Variants in NTN1 observed in about 807,000 individuals in gnomAD.
The protein encoded by NTN1 is netrin 1.
NTN1 carries 11 observed loss-of-function variants against 54.2 expected under a neutral mutation model. That is an observed-to-expected ratio of 0.20 (90% CI 0.13 to 0.34). The LOEUF is 0.34. Among genes scored for constraint, NTN1 ranks in the 10% least tolerant of loss-of-function variants. The probability of loss-of-function intolerance (pLI) is 1.00; values close to 1 mark genes in which losing one functional copy is unlikely to be tolerated. For synonymous variants in NTN1, 371 were observed against 382.0 expected (o/e 0.97, Z 0.33); for missense variants, 740 against 893.1 (o/e 0.83, Z 2.18).
intron 5 of NTN1, among the ~76,000 whole-genome samples, chr17:9,190,208 G>C (rs1904415020): frequency 6.6e-6 from 1 of 152,170 alleles, no homozygotes; most frequent in Non-Finnish European, 1.5e-5. Flanking sequence ...ATAAAGTACA[G>C]CACATATGTA....
intron 2 of NTN1, among the ~76,000 whole-genome samples, chr17:9,110,113 A>C (rs72811927): frequency 6.6e-6 from 1 of 151,918 alleles, no homozygotes; most frequent in African/African-American, 2.4e-5. Context: ...TGCTTCATCA[A>C]ATGCTTAAAC....
At chr17:9,108,404 A>G (rs913441291) in intron 2 of NTN1, among the ~76,000 whole-genome samples, 3 of 152,194 alleles carry the variant, frequency 2.0e-5, no homozygotes, top group Non-Finnish European at 2.9e-5. Context: ...TCTAATCAGC[A>G]GAGCCGGAGT....
intron 2 of NTN1, among the ~76,000 whole-genome samples, chr17:9,030,687 G>T (rs541235410): frequency 1.3e-5 from 2 of 152,074 alleles, no homozygotes; most frequent in East Asian, 3.9e-4. Context: ...AGAGGTTGCA[G>T]TGAGCCAAGA....
chr17:9,023,527 G>A, intron 2 of NTN1, 136 bp downstream of exon 2: 1 of 1,116,978 alleles, frequency 9.0e-7, no homozygotes, highest in Non-Finnish European at 1.2e-6. Context: ...CCGGGACCCG[G>A]GAGGGCTCAG....
intron 3 of NTN1, chr17:9,176,734 A>G (rs976577193): frequency 9.9e-5 from 15 of 152,262 alleles, no homozygotes; most frequent in African/African-American, 3.6e-4. Context: ...CCCACATCAT[A>G]TTATAAGATA....
chr17:9,088,644 A>G (rs533590636), intron 2 of NTN1, among the ~76,000 whole-genome samples: 3 of 152,258 alleles, frequency 2.0e-5, no homozygotes, highest in African/African-American at 7.2e-5. Context: ...GAAGCCTGGA[A>G]CACGTTCACA....
chr17:9,168,132 C>A (rs2092377877), intron 3 of NTN1, among the ~76,000 whole-genome samples: 2 of 151,888 alleles, frequency 1.3e-5, no homozygotes, highest in African/African-American at 4.8e-5. Flanking sequence ...GCAGCCTAGA[C>A]CCCAGGTTTA....
chr17:9,049,847 G>A (rs990395886), intron 2 of NTN1, among the ~76,000 whole-genome samples: 13 of 152,218 alleles, frequency 8.5e-5, no homozygotes, highest in African/African-American at 1.4e-4. Flanking sequence ...TGTAGGATGG[G>A]TATGTAAGAG....
intron 2 of NTN1, among the ~76,000 whole-genome samples, chr17:9,105,411 A>G (rs72811912): frequency 6.6e-6 from 1 of 152,112 alleles, no homozygotes; most frequent in Admixed American, 6.5e-5. Flanking sequence ...AAGGCTTAGG[A>G]ACATTTGGGG....
Position 9,093,172 on chromosome 17 carries a change from C to T in NTN1, c.1019-69641C>T, listed in dbSNP as rs181616005. Among the ~76,000 whole-genome samples, 105 of 152,314 alleles carry T rather than the reference C, an allele frequency of 6.9e-4. No homozygotes were observed. In the Middle Eastern group the frequency reaches 0.01, roughly 15 times the overall value. ...CCTCCCAAAGTGTTGCGATTACAGG[C>T]GTGAGCCACCATACCGGCCTGATAA... On this transcript the variant is annotated intron_variant, in intron 2 of 6. Transcript: ENST00000173229.
chr17:9,152,716 C>A (rs1165369546), intron 2 of NTN1, among the ~76,000 whole-genome samples: 3 of 152,164 alleles, frequency 2.0e-5, no homozygotes, highest in African/African-American at 7.2e-5. Flanking sequence ...TGTCCCCTAC[C>A]CTGCAGGAGT....
intron 2 of NTN1, among the ~76,000 whole-genome samples, chr17:9,059,273 T>C (rs2091988869): frequency 6.6e-6 from 1 of 152,140 alleles, no homozygotes; most frequent in South Asian, 2.1e-4. Context: ...AACCTAGAAT[T>C]GCAGTGTGAC....
intron 6 of NTN1, among the ~76,000 whole-genome samples, chr17:9,236,431 C>G (rs148343553): frequency 6.6e-6 from 1 of 152,206 alleles, no homozygotes; most frequent in Admixed American, 6.5e-5. Flanking sequence ...TGTTGCAATG[C>G]GCATTTTGAA....
At chr17:9,084,344 G>A (rs2092083204) in intron 2 of NTN1, among the ~76,000 whole-genome samples, 1 of 152,192 alleles carries the variant, frequency 6.6e-6, no homozygotes, top group African/African-American at 2.4e-5. Context: ...GAACGTGCAG[G>A]ATGATTTAAA....
At chr17:9,078,057 T>TATCCATCC (rs111350777) in intron 2 of NTN1, among the ~76,000 whole-genome samples, 10 of 151,522 alleles carry the variant, frequency 6.6e-5, no homozygotes, top group Non-Finnish European at 1.2e-4. Flanking sequence ...CCCATCCATC[T>TATCCATCC]ATCCATCCAT....
In NTN1 at chr17:9,242,443, C is replaced by T. The variant is rs993739334; in HGVS notation, c.*2475C>T. The stretch of plus-strand genomic sequence containing the variant: ...ATGCCAGTGTGGTTTCTTCACCCTG[C>T]CCAGAAGGGCTGTGGCAGCCCCACG... On this transcript the variant is annotated 3_prime_UTR_variant, in exon 7 of 7. Coordinates refer to ENST00000173229, the MANE Select transcript of NTN1 (RefSeq NM_004822.3). The T allele has an allele frequency of 6.6e-6, 1 of 152,470 alleles. No homozygotes were observed. The highest frequency in any genetic ancestry group is 1.9e-4 in the East Asian group (1 of 5,190). The allele number at this position is 152,470 out of a possible 1,614,324, so 9.4% of individuals were successfully genotyped here.
At chr17:9,206,921 C>T (rs1418001791) in intron 5 of NTN1, among the ~76,000 whole-genome samples, 2 of 152,138 alleles carry the variant, frequency 1.3e-5, no homozygotes, top group Non-Finnish European at 2.9e-5. Context: ...CCAAAATTGC[C>T]TTTTTCTGCC....
At chr17:9,051,873 C>T (rs1214411702) in intron 2 of NTN1, among the ~76,000 whole-genome samples, 1 of 152,072 alleles carries the variant, frequency 6.6e-6, no homozygotes, top group African/African-American at 2.4e-5. Flanking sequence ...TAAAGTAAAG[C>T]AAAACGGGTA....
At chr17:9,109,826 C>T (rs1315453899) in intron 2 of NTN1, among the ~76,000 whole-genome samples, 1 of 152,222 alleles carries the variant, frequency 6.6e-6, no homozygotes, top group South Asian at 2.1e-4. Flanking sequence ...TTTAAATTTG[C>T]ATTTGCATTG....
Sources: gnomAD v4.1 joint callset for allele counts (sites outside exome capture counted in the v4.1 genomes callset) on GRCh38, gnomAD v4.1.1 for gene constraint, MANE v1.5 for transcripts, NCBI Gene and HGNC (gene_info 2026-07-23, HGNC 2026-07-21) for gene names.